SEC23A: variants seen among roughly 807,000 people sequenced by gnomAD.
The protein encoded by SEC23A is SEC23 homolog A, COPII component.
A neutral mutation model predicts 103.7 loss-of-function variants in SEC23A; 56 were observed. The ratio of observed to expected loss-of-function variants is 0.54; its 90% CI spans 0.44 to 0.67. SEC23A has a LOEUF of 0.67. Ranked by LOEUF, SEC23A falls within the 30% of genes least tolerant of loss-of-function variation. The pLI is 0.00. For synonymous variants in SEC23A, 281 were observed against 293.0 expected (o/e 0.96, Z 0.42); for missense variants, 784 against 936.4 (o/e 0.84, Z 2.12).
intron 1 of SEC23A, among the ~76,000 whole-genome samples, chr14:39,102,287 G>A (rs996665092): frequency 2.0e-5 from 3 of 152,080 alleles, no homozygotes; most frequent in African/African-American, 7.2e-5. Context: ...TACCAGAGGA[G>A]AAAGAGAAGG....
rs995908639 is a variant in SEC23A at position 39,091,557 on chromosome 14, C to A, written c.523G>T (p.Val175Phe). The A allele has an allele frequency of 6.2e-7, 1 of 1,613,878 alleles. No individual in the cohort carries two copies. The highest frequency in any genetic ancestry group is 1.3e-5 in the African/African-American group (1 of 74,892). The change falls in exon 5 of 20, where the codon GTT becomes TTT. Residue 175 changes from valine (V) to phenylalanine (F), a missense_variant. By Grantham distance (50) the Val-to-Phe change is conservative. Coordinates refer to ENST00000307712, the MANE Select transcript of SEC23A (RefSeq NM_006364.4). The part of the protein sequence containing the change: ...GLITFGRMVQ[V>F]HELGCEGISK... ...ATGCCTTCACATCCAAGTTCATGAA[C>A]CTGAACCATTCTCCCAAAAGTAATA... is the stretch of plus-strand genomic sequence containing the variant.
intron 17 of SEC23A, chr14:39,041,409 CAAAA>C (rs56911438): frequency 1.4e-4 from 2 of 14,642 alleles, no homozygotes; most frequent in Non-Finnish European, 2.5e-4. Context: ...AAAGAAAAAG[CAAAA>C]AAAAAAAAAA....
chr14:39,036,825 C>G (rs545465602), intron 19 of SEC23A, among the ~76,000 whole-genome samples: 4 of 152,202 alleles, frequency 2.6e-5, no homozygotes, highest in African/African-American at 9.6e-5. Context: ...TTTATACTTT[C>G]GACCTCCGCT....
intron 13 of SEC23A, among the ~76,000 whole-genome samples, chr14:39,059,300 A>AAAAAAAAAAAAC (rs1886382869): frequency 9.9e-6 from 1 of 100,820 alleles, no homozygotes; most frequent in African/African-American, 3.7e-5. Flanking sequence ...AAAAAAAAAA[A>AAAAAAAAAAAAC]AAAAAAAAAA....
At chr14:39,043,673 G>A (rs970688960) in intron 16 of SEC23A, among the ~76,000 whole-genome samples, 2 of 152,164 alleles carry the variant, frequency 1.3e-5, no homozygotes, top group Non-Finnish European at 2.9e-5. Flanking sequence ...ACACTTAGAG[G>A]TCTGAAAGGG....
chr14:39,060,979 A>G, intron 13 of SEC23A, among the ~76,000 whole-genome samples: 1 of 152,218 alleles, frequency 6.6e-6, no homozygotes, highest in East Asian at 1.9e-4. Flanking sequence ...AGTGCTAGTC[A>G]AAGTGTGGTA....
At chr14:39,048,798 T>G in intron 14 of SEC23A, 69 bp from the exon 15 acceptor site, 2 of 833,282 alleles carry the variant, frequency 2.4e-6, no homozygotes, top group Non-Finnish European at 4.0e-6. Flanking sequence ...CCTATAAATA[T>G]TCTATTTACA....
intron 13 of SEC23A, among the ~76,000 whole-genome samples, chr14:39,058,935 G>A (rs1183927790): frequency 6.6e-6 from 1 of 152,060 alleles, no homozygotes; most frequent in Non-Finnish European, 1.5e-5. Context: ...AACTACAAAG[G>A]TGACTTTTTT....
In SEC23A at chr14:39,039,091, A is replaced by G; in HGVS notation, c.2148T>C (p.Arg716=). 6.2e-7 allele frequency: 1 copy of G among 1,613,478 alleles called. No individual in the cohort carries two copies. The highest frequency in any genetic ancestry group is 1.1e-5 in the South Asian group (1 of 91,016). The change falls in exon 19 of 20, where the codon CGT becomes CGC. Residue 716 remains arginine (R), a synonymous_variant. Coordinates refer to ENST00000307712, the MANE Select transcript of SEC23A (RefSeq NM_006364.4). ...IDTEHGGSQA[R]FLLSKVNPSQ... is the part of the protein sequence containing the mutation. Reference sequence around the variant, plus strand: ...AAGGGTTGACTTTTGAAAGGAGGAAACGGGCCTTAAAAGCAAAGAAGAAAT... The same window carrying G: ...AAGGGTTGACTTTTGAAAGGAGGAAGCGGGCCTTAAAAGCAAAGAAGAAAT...
At chr14:39,061,942 T>C in intron 12 of SEC23A, 71 bp from the exon 13 acceptor site, 2 of 914,552 alleles carry the variant, frequency 2.2e-6, no homozygotes, top group South Asian at 1.3e-5. Flanking sequence ...ACAGGCTACA[T>C]GTCCTAGCAC....
chr14:39,058,457 G>A (rs1410237489), intron 13 of SEC23A, among the ~76,000 whole-genome samples: 5 of 152,046 alleles, frequency 3.3e-5, no homozygotes, highest in Non-Finnish European at 7.4e-5. Context: ...ACAGGTGCCC[G>A]CCACCACGCC....
intron 9 of SEC23A, 123 bp downstream of exon 9, chr14:39,074,291 CA>C (rs1247267030): frequency 2.8e-6 from 2 of 722,288 alleles, no homozygotes; most frequent in East Asian, 5.0e-5. Flanking sequence ...AAACTACTAA[CA>C]GATGTGTTGC....
intron 7 of SEC23A, among the ~76,000 whole-genome samples, chr14:39,078,946 G>A (rs377302700): frequency 6.6e-6 from 1 of 151,818 alleles, no homozygotes; most frequent in African/African-American, 2.4e-5. Context: ...AAAACCAAAC[G>A]TAATTAAAGA....
chr14:39,065,056 G>A (rs1886612104), intron 10 of SEC23A, 63 bp from the exon 11 acceptor site: 1 of 1,010,486 alleles, frequency 9.9e-7, no homozygotes, highest in Admixed American at 1.7e-5. Flanking sequence ...TTCAACTACA[G>A]GTGTATAAGA....
intron 19 of SEC23A, among the ~76,000 whole-genome samples, chr14:39,038,728 T>C (rs1290143601): frequency 2.0e-5 from 3 of 152,228 alleles, no homozygotes; most frequent in Non-Finnish European, 2.9e-5. Flanking sequence ...TGGCCTCTCT[T>C]GGCTTATCGT....
intron 1 of SEC23A, among the ~76,000 whole-genome samples, chr14:39,102,728 T>G (rs2139312546): frequency 6.6e-6 from 1 of 152,140 alleles, no homozygotes. Flanking sequence ...GATGATGGAC[T>G]TGGGTGGAGG....
At position 39,061,842 on chromosome 14, in the gene SEC23A, A is replaced by G. The variant is rs1218436121; in HGVS notation, c.1428T>C (p.Arg476=). 1 of 1,613,928 alleles carries G rather than the reference A, an allele frequency of 6.2e-7. No homozygotes were observed. Among genetic ancestry groups the G allele is most frequent in the African/African-American group, 1.3e-5 (1 of 75,050 alleles). The part of the protein sequence containing the change: ...QHNAPIPQGG[R]GAIQFVTQYQ... ...ACTGAGTCACAAACTGGATTGCACCACGCCCTCCTTGAGGAATTGGAGCAT... is the reference window on the plus strand; with the variant it reads ...ACTGAGTCACAAACTGGATTGCACCGCGCCCTCCTTGAGGAATTGGAGCAT... The change falls in exon 13 of 20, where the codon CGT becomes CGC. Residue 476 remains arginine, a synonymous_variant. Transcript: ENST00000307712.
At chr14:39,072,476 A>G (rs1446092126) in intron 9 of SEC23A, among the ~76,000 whole-genome samples, 2 of 152,082 alleles carry the variant, frequency 1.3e-5, no homozygotes, top group Non-Finnish European at 2.9e-5. Context: ...GAAAACCACA[A>G]TGAGATATTA....
At chr14:39,075,823 G>C in intron 8 of SEC23A, 112 bp downstream of exon 8, 1 of 834,700 alleles carries the variant, frequency 1.2e-6, no homozygotes, top group South Asian at 1.4e-5. Flanking sequence ...ACCAGTTATA[G>C]TATCAAACTG....
Sources: gnomAD v4.1 joint callset for allele counts (sites outside exome capture counted in the v4.1 genomes callset) on GRCh38, gnomAD v4.1.1 for gene constraint, MANE v1.5 for transcripts, NCBI Gene and HGNC (gene_info 2026-07-23, HGNC 2026-07-21) for gene names.